Variants in HDAC9 observed in about 807,000 individuals in gnomAD.
HDAC9 encodes MEF-2 interacting transcription repressor (MITR) protein.
Under a neutral mutation model 139.4 loss-of-function variants are expected in HDAC9, and 41 were observed. The ratio of observed to expected loss-of-function variants is 0.29; its 90% CI spans 0.23 to 0.38. The LOEUF is 0.38. Ranked by LOEUF, HDAC9 falls within the 10% of genes least tolerant of loss-of-function variation. The pLI, the probability that HDAC9 is intolerant of heterozygous loss-of-function variation, is 1.00. For synonymous variants in HDAC9, 517 were observed against 476.2 expected (o/e 1.09, Z -1.12); for missense variants, 1,147 against 1,297.0 (o/e 0.88, Z 1.78).
intron 2 of HDAC9, among the ~76,000 whole-genome samples, chr7:18,173,316 T>C (rs1788600051): frequency 6.6e-6 from 1 of 152,232 alleles, no homozygotes; most frequent in African/African-American, 2.4e-5. Context: ...TAGATCTTCC[T>C]CCATCCCTTT....
Position 18,495,851 on chromosome 7 carries a change from C to G in HDAC9, c.-214C>G. On this transcript the variant is annotated 5_prime_UTR_variant, in exon 1 of 26. Coordinates refer to ENST00000686413, the MANE Select transcript of HDAC9 (RefSeq NM_178425.4). ...CCCTAGCAGCCTGAAGAACTCTAAG[C>G]CAGGTTTAATTGGTTTCTTTTTCTC... 9.4e-7 allele frequency: 1 copy of G among 1,059,558 alleles called. No homozygotes were observed. The highest frequency in any genetic ancestry group is 6.9e-5 in the East Asian group (1 of 14,432). 65.6% of individuals were successfully genotyped at this position (1,059,558 alleles called of 1,614,324 possible).
intron 16 of HDAC9, among the ~76,000 whole-genome samples, chr7:18,784,260 T>C (rs1049271534): frequency 2.6e-5 from 4 of 152,008 alleles, no homozygotes; most frequent in African/African-American, 9.7e-5. Flanking sequence ...TCTCTTTTCT[T>C]TTCTTTCGTG....
chr7:18,512,254 G>A (rs528991540), intron 2 of HDAC9, among the ~76,000 whole-genome samples: 17 of 152,114 alleles, frequency 1.1e-4, no homozygotes, highest in Middle Eastern at 3.4e-3. Context: ...CAAGACATGA[G>A]CATTCAATAA....
chr7:18,759,299 GGTGA>G (rs933166004), intron 14 of HDAC9, among the ~76,000 whole-genome samples: 3 of 152,264 alleles, frequency 2.0e-5, no homozygotes. Flanking sequence ...GTGAGTGGCA[GGTGA>G]GTGAGTGAAG....
intron 2 of HDAC9, among the ~76,000 whole-genome samples, chr7:18,272,917 CTACTACTACTACTACT>C (rs1796448630): frequency 8.6e-4 from 3 of 3,482 alleles, no homozygotes; most frequent in Non-Finnish European, 2.5e-3. Context: ...ACTACTGCTA[CTACTACTACTACTACT>C]ACTACTACTA....
intron 1 of HDAC9, among the ~76,000 whole-genome samples, chr7:18,107,260 C>A (rs1312003265): frequency 1.3e-5 from 2 of 152,106 alleles, no homozygotes; most frequent in Non-Finnish European, 2.9e-5. Context: ...TCCATCTAGA[C>A]TGGGAGCTGC....
intron 25 of HDAC9, among the ~76,000 whole-genome samples, chr7:18,990,915 C>T (rs576418383): frequency 2.3e-4 from 35 of 152,350 alleles, no homozygotes; most frequent in East Asian, 1.5e-3. Flanking sequence ...GCGCATGGAG[C>T]GCGCACCCAC....
At chr7:18,330,886 A>G (rs1800870198) in intron 1 of HDAC9, among the ~76,000 whole-genome samples, 1 of 151,748 alleles carries the variant, frequency 6.6e-6, no homozygotes, top group Non-Finnish European at 1.5e-5. Context: ...CAGAACAGTA[A>G]GTTTAGCATT....
intron 21 of HDAC9, among the ~76,000 whole-genome samples, chr7:18,838,945 A>G (rs1796411558): frequency 6.6e-6 from 1 of 152,048 alleles, no homozygotes; most frequent in Admixed American, 6.6e-5. Context: ...TAGCAAAAAA[A>G]TCATAGACAA....
intron 21 of HDAC9, among the ~76,000 whole-genome samples, chr7:18,859,687 G>C (rs573207086): frequency 6.6e-6 from 1 of 151,094 alleles, no homozygotes; most frequent in South Asian, 2.1e-4. Flanking sequence ...AATTTGTTTT[G>C]TGAATTCTAT....
At chr7:18,108,010 A>G (rs566354718) in intron 1 of HDAC9, among the ~76,000 whole-genome samples, 19 of 152,322 alleles carry the variant, frequency 1.2e-4, no homozygotes, top group African/African-American at 4.3e-4. Context: ...CATTCAGTAA[A>G]CTGTTTGTAT....
At chr7:18,844,059 A>G (rs78125401) in intron 21 of HDAC9, among the ~76,000 whole-genome samples, 3,425 of 152,282 alleles carry the variant, frequency 0.022, 53 homozygotes, top group Non-Finnish European at 0.033. Context: ...TTTCATCCCA[A>G]TGATTTGGTG....
intron 2 of HDAC9, among the ~76,000 whole-genome samples, chr7:18,583,854 T>G (rs1828596048): frequency 6.6e-6 from 1 of 152,196 alleles, no homozygotes; most frequent in Non-Finnish European, 1.5e-5. Context: ...AATAGTTGGT[T>G]TTATCTGAGT....
At chr7:18,593,743 ACTG>A (rs1831645349) in intron 5 of HDAC9, among the ~76,000 whole-genome samples, 162 bp from the exon 6 acceptor site, 1 of 152,136 alleles carries the variant, frequency 6.6e-6, no homozygotes, top group African/African-American at 2.4e-5. Context: ...TCCATAGCAT[ACTG>A]CTACAGTGAA....
intron 1 of HDAC9, among the ~76,000 whole-genome samples, chr7:18,112,741 C>T (rs1446878018): frequency 1.3e-5 from 2 of 152,084 alleles, no homozygotes; most frequent in African/African-American, 4.8e-5. Flanking sequence ...TGTGTATATA[C>T]ACTTTTATTT....
chr7:18,584,478 C>A (rs1828848144), intron 2 of HDAC9, among the ~76,000 whole-genome samples: 2 of 152,086 alleles, frequency 1.3e-5, no homozygotes, highest in East Asian at 1.9e-4. Context: ...AATTTTATAT[C>A]TATTATCTAA....
rs969451143 is a variant in HDAC9 at position 18,108,323 on chromosome 7, A to T, written c.-97+21110A>T. Among the ~76,000 whole-genome samples the T allele has an allele frequency of 2.6e-5, 4 of 152,150 alleles. No homozygotes were observed. The East Asian group carries it at 7.7e-4, about 29-fold the overall frequency. The stretch of plus-strand genomic sequence containing the variant: ...GCAGTACCAACAGCGTTCACTGTAT[A>T]TGGAGATGGGCGCCATCATGGGAGG... On this transcript the variant is annotated intron_variant, in intron 1 of 12. Coordinates refer to the HDAC9 transcript ENST00000417496.
chr7:18,183,273 T>G (rs1484356490), intron 2 of HDAC9, among the ~76,000 whole-genome samples: 1 of 152,226 alleles, frequency 6.6e-6, no homozygotes, highest in Non-Finnish European at 1.5e-5. Context: ...CCTCCCAAAG[T>G]GCTGGGATTA....
rs536059519 is a variant in HDAC9 at position 18,293,863 on chromosome 7, A to G, written c.-42+3348A>G. On this transcript the variant is annotated intron_variant, in intron 1 of 3. Transcript: ENST00000413509. ...TTAACATTTGTCAATGCATTATGTCACTGCTATTATTAAATGTAAACATTT... is the reference window on the plus strand; with the variant it reads ...TTAACATTTGTCAATGCATTATGTCGCTGCTATTATTAAATGTAAACATTT... Among the ~76,000 whole-genome samples the G allele has an allele frequency of 5.3e-5, 8 of 152,256 alleles. No homozygotes were observed. In the East Asian group the frequency reaches 1.5e-3, roughly 29 times the overall value.
Sources: gnomAD v4.1 joint callset for allele counts (sites outside exome capture counted in the v4.1 genomes callset) on GRCh38, gnomAD v4.1.1 for gene constraint, MANE v1.5 for transcripts, NCBI Gene and HGNC (gene_info 2026-07-23, HGNC 2026-07-21) for gene names.